Variants in LIFR observed in about 807,000 individuals in gnomAD.
LIFR encodes the protein LIF receptor subunit alpha.
A neutral mutation model predicts 122.2 loss-of-function variants in LIFR; 84 were observed. That is an observed-to-expected ratio of 0.69 (90% CI 0.58 to 0.82). LIFR has a LOEUF of 0.82. LIFR is among the 40% of genes least tolerant of loss of function. LIFR has a pLI of 0.00. For missense variants in LIFR, 1,294 were observed against 1,311.6 expected (o/e 0.99, Z 0.21); for synonymous variants, 422 against 434.7 (o/e 0.97, Z 0.36).
intron 1 of LIFR, among the ~76,000 whole-genome samples, chr5:38,537,777 T>C (rs1478013857): frequency 2.0e-5 from 3 of 152,208 alleles, no homozygotes; most frequent in Admixed American, 2.0e-4. Context: ...TTATAAGCTG[T>C]TTATTCTCTT....
chr5:38,524,458 A>C (rs1746569441), intron 4 of LIFR, among the ~76,000 whole-genome samples: 1 of 152,222 alleles, frequency 6.6e-6, no homozygotes, highest in African/African-American at 2.4e-5. Context: ...TAGAGTGACA[A>C]GGATATAAAC....
upstream of LIFR, chr5:38,558,569 GTAT>G (rs2112685099): frequency 6.6e-6 from 1 of 152,258 alleles, no homozygotes; most frequent in African/African-American, 2.4e-5. Flanking sequence ...CAAATACTGT[GTAT>G]TAGTCCGTTC....
intron 18 of LIFR, among the ~76,000 whole-genome samples, chr5:38,484,444 C>A (rs1191426891): frequency 6.6e-6 from 1 of 152,152 alleles, no homozygotes; most frequent in Non-Finnish European, 1.5e-5. Context: ...GTCACCAGGG[C>A]AAGTGAGATC....
upstream of LIFR, among the ~76,000 whole-genome samples, chr5:38,560,570 A>T (rs181487085): frequency 6.7e-6 from 1 of 150,310 alleles, no homozygotes; most frequent in African/African-American, 2.4e-5. Context: ...ACAGGATTGC[A>T]TTTTGTTTTG....
chr5:38,498,941 C>T (rs56315942), intron 12 of LIFR, among the ~76,000 whole-genome samples: 133 of 152,216 alleles, frequency 8.7e-4, no homozygotes, highest in Middle Eastern at 6.8e-3. Context: ...CCTATTATGA[C>T]TGCTTGTGTA....
Position 38,475,396 on chromosome 5 carries a change from A to G in LIFR, c.*6199T>C, listed in dbSNP as rs942678964. The G allele has an allele frequency of 3.5e-5, 7 of 198,312 alleles. No homozygotes were observed. The highest frequency in any genetic ancestry group is 1.6e-4 in the African/African-American group (7 of 43,446). 12.3% of individuals were successfully genotyped at this position (198,312 alleles called of 1,614,324 possible). A position where few individuals can be genotyped will look rare whatever the true frequency, so the allele number is the denominator to read the frequency against. ...GAAATGTTTCCTTATACGATTAAACATGATTTTAGGTACAGCACATCACAA... is the reference window on the plus strand; with the variant it reads ...GAAATGTTTCCTTATACGATTAAACGTGATTTTAGGTACAGCACATCACAA... On this transcript the variant is annotated 3_prime_UTR_variant, in exon 20 of 20. Coordinates refer to ENST00000453190, the MANE Select transcript of LIFR (RefSeq NM_001127671.2).
In LIFR at chr5:38,481,339, A is replaced by G. The variant is rs188257573; in HGVS notation, c.*256T>C. ...TTGAAATGCTTCTTGAAGGTAGAGT[A>G]CATGAGAATTCTTTGGCTTGATCAC... is the stretch of plus-strand genomic sequence containing the variant. On this transcript the variant is annotated 3_prime_UTR_variant, in exon 20 of 20. Coordinates refer to ENST00000453190, the MANE Select transcript of LIFR (RefSeq NM_001127671.2). 6.5e-4 allele frequency: 355 copies of G among 548,074 alleles called. 1 individual carries two copies. Among genetic ancestry groups the G allele is most frequent in the African/African-American group, 5.2e-3 (274 of 53,186 alleles). The allele number at this position is 548,074 out of a possible 1,614,324, so 34.0% of individuals were successfully genotyped here. A position where few individuals can be genotyped will look rare whatever the true frequency, so the allele number is the denominator to read the frequency against.
chr5:38,568,558 CAT>C (rs1749104248), intron 1 of LIFR, among the ~76,000 whole-genome samples: 1 of 152,132 alleles, frequency 6.6e-6, no homozygotes, highest in Admixed American at 6.5e-5. Context: ...CCCTCTGCCA[CAT>C]GTGTGAGGAG....
upstream of LIFR, among the ~76,000 whole-genome samples, chr5:38,596,497 T>C (rs1381384825): frequency 6.6e-6 from 1 of 152,156 alleles, no homozygotes; most frequent in Non-Finnish European, 1.5e-5. Context: ...GGGATGGGGC[T>C]TGAGAAGTTA....
chr5:38,492,529 G>A (rs1348360210), intron 14 of LIFR, among the ~76,000 whole-genome samples: 1 of 152,164 alleles, frequency 6.6e-6, no homozygotes, highest in Admixed American at 6.5e-5. Context: ...ACAGTGCACT[G>A]TAAGGAAGGA....
At position 38,574,761 on chromosome 5, in the gene LIFR, C is replaced by A. The variant is rs572156342; in HGVS notation, c.-20+20500G>T. ...CATTTTCCTTAGCTTAGACTATACT[C>A]TACTTTGCATGCTGACGGTCACAGT... On this transcript the variant is annotated intron_variant, in intron 1 of 19. Coordinates refer to the LIFR transcript ENST00000263409. 4.4e-4 allele frequency among the ~76,000 whole-genome samples: 67 copies of A among 152,334 alleles called. 1 individual carries two copies. Among genetic ancestry groups the A allele is most frequent in the African/African-American group, 1.6e-3 (66 of 41,578 alleles).
At position 38,477,368 on chromosome 5, in the gene LIFR, A is replaced by G. The variant is rs1311103622; in HGVS notation, c.*4227T>C. On this transcript the variant is annotated 3_prime_UTR_variant, in exon 20 of 20. Coordinates refer to ENST00000453190, the MANE Select transcript of LIFR (RefSeq NM_001127671.2). ...CTATGAAAATTTTCTTCTAGAATAA[A>G]TAAGATGGGCATGACAGCATGAAAC... The G allele has an allele frequency of 4.7e-6, 1 of 213,530 alleles. No individual in the cohort carries two copies. The highest frequency in any genetic ancestry group is 9.5e-6 in the Non-Finnish European group (1 of 105,672). The allele number at this position is 213,530 out of a possible 1,614,324, so 13.2% of individuals were successfully genotyped here. A position where few individuals can be genotyped will look rare whatever the true frequency, so the allele number is the denominator to read the frequency against.
At chr5:38,533,861 A>G (rs1388733800) in intron 1 of LIFR, among the ~76,000 whole-genome samples, 3 of 152,212 alleles carry the variant, frequency 2.0e-5, no homozygotes, top group Non-Finnish European at 4.4e-5. Flanking sequence ...GTCAGGGTGA[A>G]AGGAATCAAG....
Position 38,481,867 on chromosome 5 carries a change from G to A in LIFR, c.3022C>T (p.Pro1008Ser). 1 of 1,614,112 alleles carries A rather than the reference G, an allele frequency of 6.2e-7. No homozygotes were observed. The highest frequency in any genetic ancestry group is 8.5e-7 in the Non-Finnish European group (1 of 1,180,028). The change falls in exon 20 of 20, where the codon CCC becomes TCC. Residue 1008 changes from proline to serine, a missense_variant. Physicochemically the swap from Pro to Ser is moderately conservative, Grantham distance 74. Transcript: ENST00000453190. ...GAGYKPQMHL[P>S]INSTVEDIAA... ...ATATCTTCCACAGTAGAATTAATGG[G>A]GAGGTGCATCTGTGGCTTATAGCCT... is the stretch of plus-strand genomic sequence containing the variant.
chr5:38,535,520 T>C (rs1747251357), intron 1 of LIFR, among the ~76,000 whole-genome samples: 1 of 152,158 alleles, frequency 6.6e-6, no homozygotes, highest in Non-Finnish European at 1.5e-5. Flanking sequence ...ATGACAATGT[T>C]AGAGCTGAGT....
rs543338378 is a variant in LIFR at position 38,534,604 on chromosome 5, A to G, written c.-19-3938T>C. Reference sequence around the variant, plus strand: ...AACCCAGCACAAGGAATCTGAAAAGACTGATACCAAGATGCATCACTGAGA... The same window carrying G: ...AACCCAGCACAAGGAATCTGAAAAGGCTGATACCAAGATGCATCACTGAGA... On this transcript the variant is annotated intron_variant, in intron 1 of 19. Coordinates refer to ENST00000453190, the MANE Select transcript of LIFR (RefSeq NM_001127671.2). 4.6e-5 allele frequency among the ~76,000 whole-genome samples: 7 copies of G among 152,340 alleles called. No homozygotes were observed. The East Asian group carries it at 1.2e-3, about 25-fold the overall frequency.
In LIFR at chr5:38,481,634, C is replaced by A; in HGVS notation, c.3255G>T (p.Trp1085Cys). The change falls in exon 20 of 20, where the codon TGG becomes TGT. Residue 1085 changes from tryptophan (W) to cysteine (C), a missense_variant. Coordinates refer to ENST00000453190, the MANE Select transcript of LIFR (RefSeq NM_001127671.2). ...EDSPKSNGGG[W>C]SFTNFFQNKP... ...TGTTCTGAAAAAAGTTTGTAAAGGA[C>A]CACCCTCCTCCATTAGATTTAGGAG... 2 of 1,614,022 alleles carry A rather than the reference C, an allele frequency of 1.2e-6. No individual in the cohort carries two copies.
intron 11 of LIFR, 88 bp downstream of exon 11, chr5:38,502,549 G>A (rs1259479971): frequency 8.7e-6 from 10 of 1,149,142 alleles, no homozygotes; most frequent in Middle Eastern, 2.9e-4. Flanking sequence ...GTGACCCACT[G>A]CACCCGGCCA....
intron 7 of LIFR, among the ~76,000 whole-genome samples, chr5:38,508,547 G>C (rs1212033760): frequency 6.6e-6 from 1 of 151,910 alleles, no homozygotes; most frequent in Non-Finnish European, 1.5e-5. Flanking sequence ...GTGTGTGTAG[G>C]GAAAAACTAA....
Sources: allele counts gnomAD v4.1 joint callset (sites outside exome capture counted in the v4.1 genomes callset), GRCh38; gene constraint gnomAD v4.1.1; transcripts MANE v1.5; gene names NCBI Gene and HGNC (gene_info 2026-07-23, HGNC 2026-07-21).